The following ZSCAN25 variants were observed in gnomAD, a reference collection of about 807,000 sequenced individuals.
ZSCAN25 encodes zinc finger and SCAN domain-containing protein 25.
ZSCAN25 carries 27 observed loss-of-function variants against 38.7 expected under a neutral mutation model. That is an observed-to-expected ratio of 0.70 (90% CI 0.51 to 0.96). The LOEUF is 0.96. Among genes scored for constraint, ZSCAN25 ranks in the 40% least tolerant of loss-of-function variants. The pLI is 0.00. For synonymous variants in ZSCAN25, 273 were observed against 277.7 expected, an observed-to-expected ratio of 0.98 and a Z score of 0.17; for missense variants, 637 against 705.9, an observed-to-expected ratio of 0.90 and a Z score of 1.11.
At chr7:99,705,256 A>T in the ZSCAN25 span, 1 of 431,104 alleles carries the variant, frequency 2.3e-6, no homozygotes, top group Non-Finnish European at 4.3e-6. Context: ...TAGTCCTATG[A>T]GAAGCAGAGA....
Position 99,621,489 on chromosome 7 carries a change from G to A in ZSCAN25, c.504G>A (p.Gly168=), listed in dbSNP as rs1806954618. Residue 168 remains glycine, a synonymous_variant, in exon 5 of 8, where the codon GGG becomes GGA. Coordinates refer to ENST00000394152, the MANE Select transcript of ZSCAN25 (RefSeq NM_145115.3). The part of the protein sequence containing the change: ...EVKPEWGMPP[G]EGVQGPDPGT... ...AGCCTGAATGGGGGATGCCCCCTGG[G>A]GAAGGAGTTCAAGGTCCAGACCCAG... 2 of 1,581,770 alleles carry A rather than the reference G, an allele frequency of 1.3e-6. No individual in the cohort carries two copies. The highest frequency in any genetic ancestry group is 1.7e-6 in the Non-Finnish European group (2 of 1,159,874).
At chr7:99,730,867 A>G in the ZSCAN25 span, 1 of 671,126 alleles carries the variant, frequency 1.5e-6, no homozygotes, top group Non-Finnish European at 2.4e-6. Flanking sequence ...CAACTGAGGC[A>G]AACTTGAGGT....
Position 99,619,611 on chromosome 7 carries a change from T to G in ZSCAN25, c.5T>G (p.Leu2Arg), listed in dbSNP as rs774113182. 2 of 1,612,512 alleles carry G rather than the reference T, an allele frequency of 1.2e-6. No individual in the cohort carries two copies. The highest frequency in any genetic ancestry group is 4.5e-5 in the East Asian group (2 of 44,874). ...CTCCTCGGAGGGAGTCTGAAGATGC[T>G]TAAAGAGCATCCAGAGATGGCGGAA... MLKEHPEMAEAP... is the reference protein window; with the variant it reads MRKEHPEMAEAP... The change falls in exon 4 of 8, where the codon CTT becomes CGT. Residue 2 changes from leucine to arginine, a missense_variant. By Grantham distance (102) the Leu-to-Arg change is moderately radical. Transcript: ENST00000394152.
chr7:99,737,400 C>T, the ZSCAN25 span, among the ~76,000 whole-genome samples: 2 of 151,958 alleles, frequency 1.3e-5, no homozygotes, highest in East Asian at 3.9e-4. Flanking sequence ...CAGTGGCACC[C>T]CCTGGGTTTT....
the ZSCAN25 span, among the ~76,000 whole-genome samples, chr7:99,646,674 C>G: frequency 6.6e-6 from 1 of 152,112 alleles, no homozygotes; most frequent in Non-Finnish European, 1.5e-5. Flanking sequence ...CTCTAACGAG[C>G]TCTGGTTCCC....
At chr7:99,680,332 C>T in the ZSCAN25 span, among the ~76,000 whole-genome samples, 3 of 152,136 alleles carry the variant, frequency 2.0e-5, no homozygotes, top group Non-Finnish European at 2.9e-5. Flanking sequence ...TGGAGTGTAC[C>T]TGTGCCCTCT....
the ZSCAN25 span, chr7:99,647,736 A>C: frequency 9.1e-6 from 9 of 985,346 alleles, no homozygotes; most frequent in African/African-American, 1.7e-5. Context: ...TGGAATTCTG[A>C]CAAAGGCCCC....
In ZSCAN25 at chr7:99,621,373, G is replaced by GT; in HGVS notation, c.390dup (p.Pro131SerfsTer32). The GT allele has an allele frequency of 7.1e-7, 1 of 1,406,828 alleles. No individual in the cohort carries two copies. Among genetic ancestry groups the GT allele is most frequent in the Non-Finnish European group, 9.4e-7 (1 of 1,065,600 alleles). 87.1% of individuals were successfully genotyped at this position (1,406,828 alleles called of 1,614,324 possible). On this transcript the variant is annotated frameshift_variant and splice_region_variant, in exon 5 of 8. Transcript: ENST00000394152. LOFTEE classifies it high-confidence loss of function. Reference sequence around the variant, plus strand: ...AATCGGTGTTGGGAACTGTTCTTAGGTTCCATGCCACAGGCAGGGAGAGCA... The same window carrying GT: ...AATCGGTGTTGGGAACTGTTCTTAGGTTTCCATGCCACAGGCAGGGAGAGCA...
chr7:99,698,634 C>T, the ZSCAN25 span, among the ~76,000 whole-genome samples: 15 of 151,908 alleles, frequency 9.9e-5, no homozygotes, highest in Non-Finnish European at 1.5e-4. Context: ...ATATGTATAT[C>T]GCAGTCTTGT....
the ZSCAN25 span, among the ~76,000 whole-genome samples, chr7:99,719,431 A>T: frequency 6.6e-6 from 1 of 152,210 alleles, no homozygotes; most frequent in Admixed American, 6.5e-5. Flanking sequence ...GCCACAAAAA[A>T]TGAACGTTGA....
the ZSCAN25 span, among the ~76,000 whole-genome samples, chr7:99,675,185 G>A: frequency 6.6e-6 from 1 of 152,178 alleles, no homozygotes; most frequent in Non-Finnish European, 1.5e-5. Flanking sequence ...CAGAAAAGAT[G>A]GAGAAATGCC....
At chr7:99,617,979 C>T (rs891358520) in intron 1 of ZSCAN25, among the ~76,000 whole-genome samples, 1 of 152,154 alleles carries the variant, frequency 6.6e-6, no homozygotes, top group Non-Finnish European at 1.5e-5. Context: ...GTTGCAGAGT[C>T]AATGAATAGA....
chr7:99,634,541 G>A (rs1808191354), downstream of ZSCAN25, among the ~76,000 whole-genome samples: 1 of 152,178 alleles, frequency 6.6e-6, no homozygotes, highest in Admixed American at 6.5e-5. Flanking sequence ...TGTAATCCCA[G>A]CACTTTGGGA....
the ZSCAN25 span, among the ~76,000 whole-genome samples, chr7:99,711,153 A>T: frequency 6.6e-6 from 1 of 152,104 alleles, no homozygotes; most frequent in African/African-American, 2.4e-5. Flanking sequence ...TGCCACCTTC[A>T]CAGCTGGGTA....
the ZSCAN25 span, among the ~76,000 whole-genome samples, chr7:99,722,998 G>A: frequency 2.0e-5 from 3 of 150,708 alleles, no homozygotes; most frequent in Non-Finnish European, 4.4e-5. Context: ...AGAAAATTAT[G>A]ACACTTGCTC....
the ZSCAN25 span, among the ~76,000 whole-genome samples, chr7:99,669,201 A>C: frequency 1.3e-5 from 2 of 152,242 alleles, no homozygotes; most frequent in South Asian, 4.1e-4. Context: ...TTGTTGAGGC[A>C]AATAGCGAAG....
the ZSCAN25 span, among the ~76,000 whole-genome samples, chr7:99,708,631 C>G: frequency 6.6e-6 from 1 of 152,118 alleles, no homozygotes; most frequent in African/African-American, 2.4e-5. Context: ...ATCTGTTGCA[C>G]TAACCTATAA....
chr7:99,619,063 G>C lies in ZSCAN25; in HGVS notation c.-116G>C, dbSNP rs1290480242. 7.4e-6 allele frequency: 1 copy of C among 135,862 alleles called. No homozygotes were observed. The highest frequency in any genetic ancestry group is 1.5e-5 in the Non-Finnish European group (1 of 65,380). The allele number at this position is 135,862 out of a possible 1,614,324, so 8.4% of individuals were successfully genotyped here. A position where few individuals can be genotyped will look rare whatever the true frequency, so the allele number is the denominator to read the frequency against. On this transcript the variant is annotated 5_prime_UTR_variant, in exon 3 of 8. Coordinates refer to ENST00000394152, the MANE Select transcript of ZSCAN25 (RefSeq NM_145115.3). ...TTCTTTCTAGAACTTGTCTCCACTT[G>C]CAGTTTTTAAAAGAGTTGCTTCCAT...
the ZSCAN25 span, among the ~76,000 whole-genome samples, chr7:99,723,180 T>C: frequency 6.6e-6 from 1 of 152,076 alleles, no homozygotes; most frequent in Admixed American, 6.6e-5. Flanking sequence ...CCTGCATGGG[T>C]ACATCCAGAT....
Sources: allele counts gnomAD v4.1 joint callset (sites outside exome capture counted in the v4.1 genomes callset), GRCh38; gene constraint gnomAD v4.1.1; transcripts MANE v1.5; gene names NCBI Gene and HGNC (gene_info 2026-07-23, HGNC 2026-07-21).